Variants in NEO1 observed in about 807,000 individuals in gnomAD.
NEO1 encodes neogenin.
In NEO1, 63 loss-of-function variants were observed where a neutral mutation model predicts 159.7. That is an observed-to-expected ratio of 0.39 (90% CI 0.32 to 0.49). NEO1 has a LOEUF of 0.49. NEO1 is among the 20% of genes least tolerant of loss of function. NEO1 has a pLI of 0.85. For missense variants in NEO1, 1,615 were observed against 1,831.0 expected (o/e 0.88, Z 2.15); for synonymous variants, 633 against 662.0 (o/e 0.96, Z 0.67).
rs1319124131 is a variant in NEO1 at position 73,052,543 on chromosome 15, C to G, written c.-133C>G. ...AGGGGCTGCGCGGGCCGGGCCGGGC[C>G]GGGCTGGGCTGGAGCAGCGGCGGCC... On this transcript the variant is annotated 5_prime_UTR_variant, in exon 1 of 29. Transcript: ENST00000261908. The G allele has an allele frequency of 7.8e-6, 3 of 384,024 alleles. No individual in the cohort carries two copies. The highest frequency in any genetic ancestry group is 1.2e-5 in the Non-Finnish European group (3 of 251,154). 23.8% of individuals were successfully genotyped at this position (384,024 alleles called of 1,614,324 possible).
chr15:73,061,761 C>T (rs1382721642), intron 1 of NEO1, among the ~76,000 whole-genome samples: 1 of 152,100 alleles, frequency 6.6e-6, no homozygotes. Flanking sequence ...CAATTATATA[C>T]TTAAAATATC....
intron 4 of NEO1, among the ~76,000 whole-genome samples, chr15:73,128,944 TTTAAGA>T (rs1490208993): frequency 1.3e-5 from 2 of 152,216 alleles, no homozygotes; most frequent in African/African-American, 4.8e-5. Context: ...AGCAGTAGAC[TTTAAGA>T]TTGAGTTAAC....
rs1476310228 is a variant in NEO1 at position 73,302,602 on chromosome 15, C to G, written c.4303-11C>G. 1.2e-6 allele frequency: 2 copies of G among 1,612,904 alleles called. No individual in the cohort carries two copies. Among genetic ancestry groups the G allele is most frequent in the Admixed American group, 3.3e-5 (2 of 59,914 alleles). ...GGATCCAGCCCAGTAACAGTGTTTT[C>G]TTTTCCATAGAGCTATGAACCAGAT... is the stretch of plus-strand genomic sequence containing the variant. On this transcript the variant is annotated splice_polypyrimidine_tract_variant and intron_variant, in intron 28 of 28. Transcript: ENST00000261908.
At chr15:73,287,001 C>T (rs1480307343) in intron 23 of NEO1, among the ~76,000 whole-genome samples, 1 of 152,198 alleles carries the variant, frequency 6.6e-6, no homozygotes, top group Non-Finnish European at 1.5e-5. Flanking sequence ...GTTCTCCTTA[C>T]TCTCTTGCTT....
intron 1 of NEO1, among the ~76,000 whole-genome samples, chr15:73,093,274 A>G (rs986762302): frequency 2.0e-5 from 3 of 152,192 alleles, no homozygotes; most frequent in African/African-American, 7.2e-5. Flanking sequence ...GTGTTTGTCA[A>G]GTTCTCCCTG....
At chr15:73,236,140 T>C in intron 7 of NEO1, 1 of 669,746 alleles carries the variant, frequency 1.5e-6, no homozygotes, top group Non-Finnish European at 2.5e-6. Context: ...AGCCTTCAGT[T>C]TAATGGCCTT....
chr15:73,288,600 C>A, intron 24 of NEO1, 49 bp downstream of exon 24: 51 of 1,427,032 alleles, frequency 3.6e-5, no homozygotes, highest in Non-Finnish European at 4.6e-5. Flanking sequence ...AAACTATTTT[C>A]ATTTAAATCT....
upstream of NEO1, chr15:73,052,081 G>C (rs1329077637): frequency 6.6e-6 from 1 of 150,850 alleles, no homozygotes; most frequent in Admixed American, 6.6e-5. Context: ...GGAGGAGCAG[G>C]AGGATCCGCT....
intron 1 of NEO1, among the ~76,000 whole-genome samples, chr15:73,054,889 T>G (rs1202430929): frequency 1.3e-5 from 2 of 152,186 alleles, no homozygotes; most frequent in African/African-American, 4.8e-5. Flanking sequence ...TAGTTTTATT[T>G]TTTTTATTTT....
At chr15:73,237,977 TCTC>T (rs1466595340) in intron 8 of NEO1, among the ~76,000 whole-genome samples, 2 of 152,156 alleles carry the variant, frequency 1.3e-5, no homozygotes, top group Non-Finnish European at 2.9e-5. Context: ...TTAGATGACA[TCTC>T]CTCAGGCCTT....
At chr15:73,091,230 C>T (rs2069671746) in intron 1 of NEO1, among the ~76,000 whole-genome samples, 1 of 152,116 alleles carries the variant, frequency 6.6e-6, no homozygotes, top group Admixed American at 6.5e-5. Context: ...TTTTATTAAA[C>T]AAGCTGATGC....
At chr15:73,063,305 T>C (rs1198134597) in intron 1 of NEO1, among the ~76,000 whole-genome samples, 3 of 152,118 alleles carry the variant, frequency 2.0e-5, no homozygotes, top group African/African-American at 7.2e-5. Flanking sequence ...CCCACTCTAC[T>C]GGGCTGAAAT....
intron 7 of NEO1, among the ~76,000 whole-genome samples, chr15:73,224,784 C>T (rs551747171): frequency 7.2e-5 from 11 of 152,216 alleles, no homozygotes; most frequent in African/African-American, 2.6e-4. Context: ...TAATTAACCT[C>T]CTGCATTCTT....
chr15:73,297,942 C>T (rs566825953), intron 26 of NEO1, among the ~76,000 whole-genome samples: 15 of 152,334 alleles, frequency 9.8e-5, no homozygotes, highest in African/African-American at 2.4e-4. Context: ...GTCAGGTACC[C>T]GGCCAGCCTT....
chr15:73,244,336 G>T lies in NEO1; in HGVS notation c.1452-8G>T. Reference sequence around the variant, plus strand: ...AATGCTATCTCTCTCCAAATCCTTTGTCTAAAGGGAACGTGTTGAGAATAC... The same window carrying T: ...AATGCTATCTCTCTCCAAATCCTTTTTCTAAAGGGAACGTGTTGAGAATAC... On this transcript the variant is annotated splice_polypyrimidine_tract_variant and splice_region_variant and intron_variant, in intron 8 of 28. Transcript: ENST00000261908. The T allele has an allele frequency of 6.2e-7, 1 of 1,611,830 alleles. No homozygotes were observed. Among genetic ancestry groups the T allele is most frequent in the Non-Finnish European group, 8.5e-7 (1 of 1,178,810 alleles).
At chr15:73,275,358 T>G (rs1181471926) in intron 21 of NEO1, among the ~76,000 whole-genome samples, 1 of 152,048 alleles carries the variant, frequency 6.6e-6, no homozygotes, top group Non-Finnish European at 1.5e-5. Context: ...CTATTTGAAA[T>G]AAAAACTTAG....
chr15:73,212,706 T>G (rs886170125), intron 7 of NEO1, among the ~76,000 whole-genome samples: 1 of 151,968 alleles, frequency 6.6e-6, no homozygotes. Context: ...TATAGGAAAG[T>G]TTATAGAAGC....
At chr15:73,218,279 C>T (rs1292480987) in intron 7 of NEO1, among the ~76,000 whole-genome samples, 1 of 149,418 alleles carries the variant, frequency 6.7e-6, no homozygotes, top group Admixed American at 6.7e-5. Flanking sequence ...ATGAAGCCCA[C>T]TTGATCATGG....
intron 4 of NEO1, among the ~76,000 whole-genome samples, chr15:73,131,326 T>A (rs1209694495): frequency 6.6e-6 from 1 of 152,146 alleles, no homozygotes; most frequent in African/African-American, 2.4e-5. Flanking sequence ...TTGAAGCAAA[T>A]GAAAAAGTAG....
Sources: gnomAD v4.1 joint callset for allele counts (sites outside exome capture counted in the v4.1 genomes callset) on GRCh38, gnomAD v4.1.1 for gene constraint, MANE v1.5 for transcripts, NCBI Gene and HGNC (gene_info 2026-07-23, HGNC 2026-07-21) for gene names.